Variants in ANO6 observed in about 807,000 individuals in gnomAD.
ANO6 encodes anoctamin-6.
In ANO6, 106 loss-of-function variants were observed where a neutral mutation model predicts 117.5. The observed-to-expected ratio is 0.90, with a 90% CI of 0.77 to 1.06. The LOEUF (loss-of-function observed/expected upper bound fraction) is 1.06, where lower values mean the gene tolerates loss of function less well. Among genes scored for constraint, ANO6 ranks in the 50% least tolerant of loss-of-function variants. ANO6 has a pLI of 0.00. For missense variants in ANO6, 955 were observed against 1,121.1 expected, an observed-to-expected ratio of 0.85 and a Z score of 2.12; for synonymous variants, 367 against 385.1, an observed-to-expected ratio of 0.95 and a Z score of 0.55.
chr12:45,244,078 A>G (rs1389468384), intron 1 of ANO6, among the ~76,000 whole-genome samples: 2 of 152,224 alleles, frequency 1.3e-5, no homozygotes, highest in Non-Finnish European at 2.9e-5. Flanking sequence ...AGTTTTTCCC[A>G]ATAACTTGAA....
In ANO6 at chr12:45,409,366, G is replaced by C; in HGVS notation, c.1890G>C (p.Met630Ile). 1.9e-6 allele frequency: 3 copies of C among 1,613,954 alleles called. No homozygotes were observed. The highest frequency in any genetic ancestry group is 2.5e-6 in the Non-Finnish European group (3 of 1,179,902). Residue 630 changes from methionine to isoleucine, a missense_variant, in exon 16 of 20, where the codon ATG (methionine) becomes ATC (isoleucine). Coordinates refer to ENST00000320560, the MANE Select transcript of ANO6 (RefSeq NM_001025356.3). ...NIQEVLLPWI[M>I]NLIGRFHRVS... is the part of the protein sequence containing the mutation. ...TTGTTCTTTTTGGCAGCTGGATCAT[G>C]AATCTAATTGGGCGATTTCACAGAG... is the stretch of plus-strand genomic sequence containing the variant.
At chr12:45,300,664 G>A (rs1939453492) in intron 1 of ANO6, among the ~76,000 whole-genome samples, 1 of 151,996 alleles carries the variant, frequency 6.6e-6, no homozygotes, top group Admixed American at 6.6e-5. Flanking sequence ...TGTTAAAGAG[G>A]CTGGACCTAT....
At chr12:45,247,618 G>A (rs1233463451) in intron 1 of ANO6, among the ~76,000 whole-genome samples, 2 of 152,200 alleles carry the variant, frequency 1.3e-5, no homozygotes, top group African/African-American at 4.8e-5. Flanking sequence ...TCTGGAGGCT[G>A]GGAGTCTGGG....
chr12:45,428,701 A>G (rs1411886404), intron 19 of ANO6, among the ~76,000 whole-genome samples: 1 of 152,232 alleles, frequency 6.6e-6, no homozygotes, highest in African/African-American at 2.4e-5. Flanking sequence ...ATAAGTGAGA[A>G]TGATACACAT....
chr12:45,416,936 C>T (rs1486481036), intron 17 of ANO6, 32 bp downstream of exon 17: 8 of 1,597,470 alleles, frequency 5.0e-6, no homozygotes, highest in South Asian at 1.1e-5. Flanking sequence ...AGAGTAAAGA[C>T]CTTGAAGATG....
In ANO6 at chr12:45,282,633, G is replaced by C. The variant is rs1227506601; in HGVS notation, c.71-19381G>C. ...GGGGCTGAGTCCATGGTAGAGGAGT[G>C]CCAGCGTACTTTGACCTTATCAGTA... On this transcript the variant is annotated intron_variant, in intron 1 of 19. Transcript: ENST00000320560. Among the ~76,000 whole-genome samples, 2 of 152,166 alleles carry C rather than the reference G, an allele frequency of 1.3e-5. 1 individual carries two copies. The highest frequency in any genetic ancestry group is 4.8e-5 in the African/African-American group (2 of 41,430).
At chr12:45,269,157 T>G (rs1328407751) in intron 1 of ANO6, among the ~76,000 whole-genome samples, 1 of 152,200 alleles carries the variant, frequency 6.6e-6, no homozygotes, top group Non-Finnish European at 1.5e-5. Flanking sequence ...GGCATTATTT[T>G]ATAAGCTGTG....
At chr12:45,433,038 A>G (rs1004624794), downstream of ANO6, among the ~76,000 whole-genome samples, 1 of 152,218 alleles carries the variant, frequency 6.6e-6, no homozygotes, top group Non-Finnish European at 1.5e-5. Context: ...TTCTGTAACA[A>G]TTGGCCCAAT....
intron 19 of ANO6, 35 bp downstream of exon 19, chr12:45,423,097 A>G (rs753035327): frequency 6.6e-7 from 1 of 1,509,218 alleles, no homozygotes; most frequent in South Asian, 1.1e-5. Context: ...GTTTATAAGG[A>G]TGTGTATTTG....
At chr12:45,385,237 T>G (rs1016562293) in intron 10 of ANO6, among the ~76,000 whole-genome samples, 3 of 151,034 alleles carry the variant, frequency 2.0e-5, no homozygotes, top group African/African-American at 7.4e-5. Context: ...GAGTGCTATG[T>G]ATTAATATTT....
At chr12:45,370,550 C>G (rs1301079398) in intron 9 of ANO6, among the ~76,000 whole-genome samples, 4 of 152,176 alleles carry the variant, frequency 2.6e-5, no homozygotes. Context: ...TTGTCAAATA[C>G]TTAGAAGATT....
At chr12:45,264,579 A>G (rs116626382) in intron 1 of ANO6, among the ~76,000 whole-genome samples, 2 of 152,348 alleles carry the variant, frequency 1.3e-5, no homozygotes, top group African/African-American at 4.8e-5. Flanking sequence ...TTTAAAATAG[A>G]TGATTAATAT....
intron 11 of ANO6, among the ~76,000 whole-genome samples, 157 bp downstream of exon 11, chr12:45,388,460 A>G (rs999840075): frequency 6.6e-6 from 1 of 152,124 alleles, no homozygotes; most frequent in South Asian, 2.1e-4. Context: ...GGGTATTCTG[A>G]GCACAGGGGT....
At chr12:45,365,389 G>A (rs547895936) in intron 8 of ANO6, among the ~76,000 whole-genome samples, 2 of 152,276 alleles carry the variant, frequency 1.3e-5, no homozygotes, top group South Asian at 4.1e-4. Flanking sequence ...TTCCTTTTAA[G>A]TTCTTTGGTT....
chr12:45,238,541 T>A (rs1167555024), intron 1 of ANO6, among the ~76,000 whole-genome samples: 1 of 152,062 alleles, frequency 6.6e-6, no homozygotes, highest in African/African-American at 2.4e-5. Context: ...TCTTTATTCC[T>A]TTCTCTTGCC....
intron 3 of ANO6, among the ~76,000 whole-genome samples, chr12:45,338,282 A>G (rs897972839): frequency 6.6e-6 from 1 of 152,134 alleles, no homozygotes; most frequent in Non-Finnish European, 1.5e-5. Flanking sequence ...ATAAAGAGGA[A>G]GGCATGATTG....
Position 45,389,355 on chromosome 12 carries a change from T to C in ANO6, c.1308+1052T>C, listed in dbSNP as rs148426747. 1.5e-4 allele frequency among the ~76,000 whole-genome samples: 23 copies of C among 152,332 alleles called. 1 individual carries two copies. In the East Asian group the frequency reaches 4.0e-3, roughly 27 times the overall value. On this transcript the variant is annotated intron_variant, in intron 11 of 19. Coordinates refer to ENST00000320560, the MANE Select transcript of ANO6 (RefSeq NM_001025356.3). ...CAAAGCATATGTTGTTGAAAGATTGTATATTCAGAAATGAAAGCCAAAACT... is the reference window on the plus strand; with the variant it reads ...CAAAGCATATGTTGTTGAAAGATTGCATATTCAGAAATGAAAGCCAAAACT...
At chr12:45,216,863 C>G (rs952351616) in intron 1 of ANO6, among the ~76,000 whole-genome samples, 1 of 152,182 alleles carries the variant, frequency 6.6e-6, no homozygotes, top group African/African-American at 2.4e-5. Context: ...ACCGACGGCT[C>G]TGGGAGGTTT....
rs1227931434 is a variant in ANO6 at position 45,384,916 on chromosome 12, CT to C, written c.1166-3244del. ...TAAAGCACGATAAATCAAGGTACATCTGTACAGGAGGTACTGAAGGCCCAAG... is the reference window on the plus strand; with the variant it reads ...TAAAGCACGATAAATCAAGGTACATCGTACAGGAGGTACTGAAGGCCCAAG... On this transcript the variant is annotated intron_variant, in intron 10 of 19. Coordinates refer to ENST00000320560, the MANE Select transcript of ANO6 (RefSeq NM_001025356.3). 4.8e-4 allele frequency among the ~76,000 whole-genome samples: 73 copies of C among 152,288 alleles called. 1 individual carries two copies. The highest frequency in any genetic ancestry group is 1.8e-3 in the African/African-American group (73 of 41,550).
Sources: gnomAD v4.1 joint callset for allele counts (sites outside exome capture counted in the v4.1 genomes callset) on GRCh38, gnomAD v4.1.1 for gene constraint, MANE v1.5 for transcripts, NCBI Gene and HGNC (gene_info 2026-07-23, HGNC 2026-07-21) for gene names.